The following ZFHX3 variants were observed in gnomAD, a reference collection of about 807,000 sequenced individuals.
ZFHX3 encodes zinc finger homeobox 3.
Under a neutral mutation model 279.1 loss-of-function variants are expected in ZFHX3, and 42 were observed. The observed-to-expected ratio is 0.15, with a 90% CI of 0.12 to 0.19. The LOEUF is 0.19. Ranked by LOEUF, ZFHX3 falls within the 10% of genes least tolerant of loss-of-function variation. ZFHX3 has a pLI of 1.00. For missense variants in ZFHX3, 4,981 were observed against 4,754.0 expected, an observed-to-expected ratio of 1.05 and a Z score of -1.40; for synonymous variants, 2,293 against 1,957.8, an observed-to-expected ratio of 1.17 and a Z score of -4.52.
intron 2 of ZFHX3, among the ~76,000 whole-genome samples, chr16:73,599,818 C>A (rs748045491): frequency 2.5e-4 from 38 of 151,374 alleles, no homozygotes; most frequent in Non-Finnish European, 4.3e-4. Flanking sequence ...ACTTCCAGGG[C>A]AGAAAAAGAT....
At chr16:73,153,743 G>A (rs779612935) in intron 5 of ZFHX3, among the ~76,000 whole-genome samples, 5 of 152,028 alleles carry the variant, frequency 3.3e-5, no homozygotes, top group South Asian at 2.1e-4. Flanking sequence ...TCCACCTCCC[G>A]GGTTCAAGCA....
In ZFHX3 at chr16:72,797,886, T is replaced by A; in HGVS notation, c.4796A>T (p.Asn1599Ile). 6.2e-7 allele frequency: 1 copy of A among 1,614,190 alleles called. No individual in the cohort carries two copies. Among genetic ancestry groups the A allele is most frequent in the Non-Finnish European group, 8.5e-7 (1 of 1,180,048 alleles). ...SSPDNKPFKC[N>I]TCNVAYSQSS... ...CTGGCTGTAGGCCACATTACAAGTG[T>A]TACACTTAAAAGGTTTGTTGTCTGG... Residue 1599 changes from asparagine to isoleucine, a missense_variant, in exon 9 of 10, where the codon AAC (asparagine) becomes ATC (isoleucine). This residue lies in a region of ZFHX3 where 1,751 missense variants were observed against 1,770.0 expected (regional missense o/e 0.99). Transcript: ENST00000268489.
intron 5 of ZFHX3, among the ~76,000 whole-genome samples, chr16:72,826,672 G>A (rs1174105113): frequency 6.6e-6 from 1 of 152,178 alleles, no homozygotes; most frequent in Non-Finnish European, 1.5e-5. Context: ...TCATTTGCAG[G>A]AGTCGGGAAA....
chr16:73,105,333 A>G (rs1966282296), intron 7 of ZFHX3, among the ~76,000 whole-genome samples: 1 of 142,764 alleles, frequency 7.0e-6, no homozygotes, highest in Admixed American at 6.9e-5. Context: ...ACACACACAC[A>G]CACGTGTGTA....
rs540631470 is a variant in ZFHX3, at chr16:73,784,545, G to A, written c.-1607-104305C>T. On this transcript the variant is annotated intron_variant, in intron 1 of 17. Transcript: ENST00000641206. ...AGGCAGATCATGAGGTCAAGAGATC[G>A]AGACAATCCTGGCCAACATGGTGAA... 6.4e-4 allele frequency among the ~76,000 whole-genome samples: 97 copies of A among 151,968 alleles called. No individual in the cohort carries two copies. In the South Asian group the frequency reaches 6.4e-3, roughly 10 times the overall value.
chr16:73,340,216 A>G (rs2016005162), intron 3 of ZFHX3, among the ~76,000 whole-genome samples: 1 of 152,176 alleles, frequency 6.6e-6, no homozygotes, highest in African/African-American at 2.4e-5. Context: ...TGCTCATAAG[A>G]GTTAAAGCAG....
At chr16:73,644,814 G>A (rs1284701652) in intron 2 of ZFHX3, among the ~76,000 whole-genome samples, 6 of 151,994 alleles carry the variant, frequency 3.9e-5, no homozygotes, top group Admixed American at 6.6e-5. Context: ...TGTGTTCTGC[G>A]GCACCTCACA....
chr16:73,549,156 C>T (rs1596992437), intron 2 of ZFHX3, among the ~76,000 whole-genome samples: 1 of 152,006 alleles, frequency 6.6e-6, no homozygotes, highest in East Asian at 1.9e-4. Flanking sequence ...AGGTGAGGAT[C>T]GTCTCAATCT....
At chr16:73,795,339 C>T (rs1002610569) in intron 1 of ZFHX3, among the ~76,000 whole-genome samples, 2 of 152,172 alleles carry the variant, frequency 1.3e-5, no homozygotes, top group African/African-American at 4.8e-5. Context: ...CTTGCTCAGG[C>T]AGCCAAAGCA....
intron 3 of ZFHX3, among the ~76,000 whole-genome samples, chr16:73,353,683 C>T (rs2016287284): frequency 1.3e-5 from 2 of 151,888 alleles, no homozygotes; most frequent in Non-Finnish European, 1.5e-5. Flanking sequence ...CTGCAGTTTA[C>T]AAAATCACGT....
chr16:72,876,741 T>G (rs1009148289), intron 4 of ZFHX3, among the ~76,000 whole-genome samples: 1 of 152,176 alleles, frequency 6.6e-6, no homozygotes, highest in Admixed American at 6.5e-5. Context: ...CTTTTCAATT[T>G]TTTTCCCCCC....
At chr16:73,675,958 C>T (rs2052950068) in intron 2 of ZFHX3, among the ~76,000 whole-genome samples, 1 of 151,872 alleles carries the variant, frequency 6.6e-6, no homozygotes, top group Non-Finnish European at 1.5e-5. Flanking sequence ...CACATCTAAA[C>T]AAAGAATTTA....
At chr16:73,866,870 G>A (rs528032774) in intron 1 of ZFHX3, among the ~76,000 whole-genome samples, 2 of 152,172 alleles carry the variant, frequency 1.3e-5, no homozygotes, top group Non-Finnish European at 2.9e-5. Context: ...GCAGCTCTAG[G>A]GAAACCACAT....
In ZFHX3 at chr16:73,075,546, C is replaced by T. The variant is rs188119791; in HGVS notation, c.-532-16534G>A. The stretch of plus-strand genomic sequence containing the variant: ...ACACGCAAAGCCTAAATGTCAGAGA[C>T]ATGATCTTGCAGTGATATACAATAT... On this transcript the variant is annotated intron_variant, in intron 8 of 17. Transcript: ENST00000641206. 1.1e-4 allele frequency among the ~76,000 whole-genome samples: 17 copies of T among 152,114 alleles called. No individual in the cohort carries two copies. In the East Asian group the frequency reaches 2.9e-3, roughly 26 times the overall value.
chr16:73,546,574 G>A (rs2020111623), intron 2 of ZFHX3, among the ~76,000 whole-genome samples: 1 of 152,178 alleles, frequency 6.6e-6, no homozygotes, highest in Non-Finnish European at 1.5e-5. Flanking sequence ...ATGCGTGTCT[G>A]TGCTCGTAGG....
In ZFHX3 at chr16:72,795,187, G is replaced by A; in HGVS notation, c.7495C>T (p.Pro2499Ser). Residue 2499 changes from proline (P) to serine (S), a missense_variant, in exon 9 of 10, where the codon CCC becomes TCC. Around this residue, in one of 7 missense-constraint regions of ZFHX3, gnomAD observed 744 missense variants for 701.3 expected, o/e 1.06. Coordinates refer to ENST00000268489, the MANE Select transcript of ZFHX3 (RefSeq NM_006885.4). The part of the protein sequence containing the change: ...PPQCPLPQSS[P>S]SPSQLSHLPL... ...AGGTGGGAGAGCTGGGAAGGACTGGGGCTCGACTGGGGTAAGGGGCACTGT... is the reference window on the plus strand; with the variant it reads ...AGGTGGGAGAGCTGGGAAGGACTGGAGCTCGACTGGGGTAAGGGGCACTGT... 2 of 1,608,092 alleles carry A rather than the reference G, an allele frequency of 1.2e-6. No homozygotes were observed. Among genetic ancestry groups the A allele is most frequent in the Non-Finnish European group, 1.7e-6 (2 of 1,176,746 alleles).
At chr16:73,266,836 C>T (rs772803373) in intron 4 of ZFHX3, among the ~76,000 whole-genome samples, 9 of 152,234 alleles carry the variant, frequency 5.9e-5, no homozygotes, top group East Asian at 3.9e-4. Context: ...TTTCGCCTTC[C>T]GCCATGATTG....
intron 1 of ZFHX3, among the ~76,000 whole-genome samples, chr16:73,838,793 T>C (rs1384633543): frequency 6.7e-6 from 1 of 149,262 alleles, no homozygotes; most frequent in Non-Finnish European, 1.5e-5. Context: ...TGTGTGTGCG[T>C]GCGCGCACGC....
At chr16:72,845,083 G>A (rs750559169) in intron 4 of ZFHX3, among the ~76,000 whole-genome samples, 20 of 152,140 alleles carry the variant, frequency 1.3e-4, no homozygotes, top group Admixed American at 3.3e-4. Flanking sequence ...TCCGTGTGGC[G>A]GAAAAGAGGG....
Sources: gnomAD v4.1 joint callset for allele counts (sites outside exome capture counted in the v4.1 genomes callset) on GRCh38, gnomAD v4.1.1 for gene constraint, gnomAD v4.1.1 regional missense constraint, MANE v1.5 for transcripts, NCBI Gene and HGNC (gene_info 2026-07-23, HGNC 2026-07-21) for gene names.